The following PCDH15 variants were observed in gnomAD, a reference collection of about 807,000 sequenced individuals.
PCDH15 encodes the protein protocadherin-15.
Under a neutral mutation model 178.5 loss-of-function variants are expected in PCDH15, and 129 were observed. That is an observed-to-expected ratio of 0.72 (90% CI 0.63 to 0.84). The LOEUF is 0.84. PCDH15 is among the 40% of genes least tolerant of loss of function. The pLI is 0.00. For missense variants in PCDH15, 2,230 were observed against 2,099.9 expected (o/e 1.06, Z -1.21); for synonymous variants, 800 against 732.0 (o/e 1.09, Z -1.50).
At chr10:55,085,886 A>T (rs1044052186) in intron 2 of PCDH15, among the ~76,000 whole-genome samples, 1 of 151,748 alleles carries the variant, frequency 6.6e-6, no homozygotes, top group Admixed American at 6.6e-5. Flanking sequence ...TAACTATAAT[A>T]ATAAAGACAC....
Position 55,058,606 on chromosome 10 carries a change from A to G in PCDH15, c.-80+107970T>C, listed in dbSNP as rs181966001. 1.3e-4 allele frequency among the ~76,000 whole-genome samples: 20 copies of G among 152,306 alleles called. No homozygotes were observed. In the East Asian group the frequency reaches 3.7e-3, roughly 28 times the overall value. On this transcript the variant is annotated intron_variant, in intron 2 of 5. Coordinates refer to the PCDH15 transcript ENST00000458638. ...AATATTACAAAACACAGAGACACAT[A>G]CAACTGAAATTAATACACATAATGT...
intron 35 of PCDH15, among the ~76,000 whole-genome samples, chr10:53,814,076 T>C (rs978630511): frequency 6.6e-6 from 1 of 152,200 alleles, no homozygotes; most frequent in African/African-American, 2.4e-5. Flanking sequence ...TCAAACTAAG[T>C]ACTTTGTAAA....
At chr10:55,255,556 T>C (rs946096491) in intron 1 of PCDH15, among the ~76,000 whole-genome samples, 1 of 152,182 alleles carries the variant, frequency 6.6e-6, no homozygotes, top group Admixed American at 6.5e-5. Flanking sequence ...TGAACTAGTT[T>C]ACACTCCCAC....
intron 25 of PCDH15, among the ~76,000 whole-genome samples, chr10:53,911,515 CT>C (rs2083085726): frequency 1.3e-5 from 2 of 152,108 alleles, no homozygotes; most frequent in African/African-American, 4.8e-5. Context: ...CAGGAAAGAT[CT>C]AAAATTGACA....
In PCDH15 at chr10:54,397,515, C is replaced by A. The variant is rs1186843243; in HGVS notation, c.158-18573G>T. On this transcript the variant is annotated intron_variant, in intron 3 of 37. Coordinates refer to ENST00000644397, the MANE Select transcript of PCDH15 (RefSeq NM_001384140.1). Reference sequence around the variant, plus strand: ...TAAAGTCTTGCCTGTTTAACTCTATCTGGTATAATTTTTCTTCAAGAGAAC... The same window carrying A: ...TAAAGTCTTGCCTGTTTAACTCTATATGGTATAATTTTTCTTCAAGAGAAC... 2.6e-5 allele frequency among the ~76,000 whole-genome samples: 4 copies of A among 151,996 alleles called. No individual in the cohort carries two copies. In the East Asian group the frequency reaches 7.7e-4, roughly 29 times the overall value.
intron 2 of PCDH15, among the ~76,000 whole-genome samples, chr10:54,648,166 A>G (rs2135131301): frequency 6.6e-6 from 1 of 152,254 alleles, no homozygotes; most frequent in Non-Finnish European, 1.5e-5. Flanking sequence ...AGTAAAATGT[A>G]TTCTAAGAAA....
At chr10:54,890,349 T>G (rs1308734136) in intron 3 of PCDH15, among the ~76,000 whole-genome samples, 1 of 151,978 alleles carries the variant, frequency 6.6e-6, no homozygotes, top group African/African-American at 2.4e-5. Context: ...TCTAACATTA[T>G]AAGATACATC....
chr10:55,095,643 T>C (rs1026324693), intron 2 of PCDH15, among the ~76,000 whole-genome samples: 11 of 152,116 alleles, frequency 7.2e-5, no homozygotes, highest in Admixed American at 1.3e-4. Flanking sequence ...TTAATTATTA[T>C]GAATTTGCAA....
intron 3 of PCDH15, among the ~76,000 whole-genome samples, chr10:54,477,948 G>T (rs966507325): frequency 1.3e-5 from 2 of 151,984 alleles, no homozygotes; most frequent in Non-Finnish European, 2.9e-5. Context: ...CTACTGTTAC[G>T]CAATCATTCT....
chr10:54,674,394 T>C (rs1437317724), intron 1 of PCDH15, among the ~76,000 whole-genome samples: 1 of 152,180 alleles, frequency 6.6e-6, no homozygotes, highest in East Asian at 1.9e-4. Context: ...ACTTTACCAA[T>C]TTATACTATG....
chr10:54,086,095 T>A (rs1327495498), intron 16 of PCDH15, among the ~76,000 whole-genome samples: 1 of 152,138 alleles, frequency 6.6e-6, no homozygotes, highest in African/African-American at 2.4e-5. Flanking sequence ...CTGGGTAATT[T>A]ATAAAGAAAA....
chr10:55,163,030 A>G (rs2132115125), intron 2 of PCDH15, among the ~76,000 whole-genome samples: 1 of 152,200 alleles, frequency 6.6e-6, no homozygotes, highest in East Asian at 1.9e-4. Context: ...CAGGCCAGGG[A>G]CTATTCTGTG....
At chr10:54,440,371 C>G (rs987751529) in intron 3 of PCDH15, among the ~76,000 whole-genome samples, 5 of 151,870 alleles carry the variant, frequency 3.3e-5, no homozygotes, top group Non-Finnish European at 7.4e-5. Flanking sequence ...GGAAAACCTC[C>G]TAAAATCTTT....
At chr10:55,451,324 C>T (rs1410983882) in intron 2 of PCDH15, among the ~76,000 whole-genome samples, 2 of 151,814 alleles carry the variant, frequency 1.3e-5, no homozygotes, top group Non-Finnish European at 2.9e-5. Context: ...CAGTGAAACC[C>T]CATCTCTACT....
At chr10:53,847,258 TAAA>T (rs1205899863) in intron 28 of PCDH15, among the ~76,000 whole-genome samples, 1 of 152,104 alleles carries the variant, frequency 6.6e-6, no homozygotes, top group Non-Finnish European at 1.5e-5. Context: ...TTCATGATTA[TAAA>T]CCCTACTTAG....
chr10:53,822,385 G>A lies in PCDH15; in HGVS notation c.4368-2155C>T, dbSNP rs938596168. On this transcript the variant is annotated intron_variant, in intron 32 of 37. Coordinates refer to ENST00000644397, the MANE Select transcript of PCDH15 (RefSeq NM_001384140.1). Reference sequence around the variant, plus strand: ...GGAAGAGGGATAGAAGGAGGAGAGGGAGGAGGACAAAAAAGAGAAAAAGGA... The same window carrying A: ...GGAAGAGGGATAGAAGGAGGAGAGGAAGGAGGACAAAAAAGAGAAAAAGGA... The A allele has an allele frequency of 3.2e-6, 5 of 1,572,066 alleles. No homozygotes were observed. The highest frequency in any genetic ancestry group is 2.4e-5 in the East Asian group (1 of 42,020).
intron 1 of PCDH15, among the ~76,000 whole-genome samples, chr10:55,214,371 ATATT>A (rs1192298745): frequency 1.3e-5 from 2 of 151,836 alleles, no homozygotes; most frequent in Admixed American, 6.6e-5. Flanking sequence ...CAATCATGAT[ATATT>A]TATTTATTTC....
intron 25 of PCDH15, among the ~76,000 whole-genome samples, 164 bp from the exon 26 acceptor site, chr10:53,903,534 A>C (rs2082470336): frequency 6.6e-6 from 1 of 152,114 alleles, no homozygotes; most frequent in African/African-American, 2.4e-5. Context: ...GGACACTGAT[A>C]ATGATGCTTC....
At chr10:54,285,327 A>G (rs2058966388) in intron 8 of PCDH15, among the ~76,000 whole-genome samples, 1 of 152,132 alleles carries the variant, frequency 6.6e-6, no homozygotes, top group Non-Finnish European at 1.5e-5. Context: ...ACCATGTATC[A>G]GATAAGATAT....
Sources: allele counts gnomAD v4.1 joint callset (sites outside exome capture counted in the v4.1 genomes callset), GRCh38; gene constraint gnomAD v4.1.1; transcripts MANE v1.5; gene names NCBI Gene and HGNC (gene_info 2026-07-23, HGNC 2026-07-21).